Variants in CELF2 observed in about 807,000 individuals in gnomAD.
The protein encoded by CELF2 is CUG triplet repeat RNA-binding protein 2.
In CELF2, 8 loss-of-function variants were observed where a neutral mutation model predicts 62.6. That is an observed-to-expected ratio of 0.13 (90% confidence interval 0.07 to 0.23). CELF2 has a LOEUF of 0.23. CELF2 is among the 10% of genes least tolerant of loss of function. The pLI is 1.00. For synonymous variants in CELF2, 258 were observed against 250.0 expected, an observed-to-expected ratio of 1.03 and a Z score of -0.30; for missense variants, 333 against 671.0, an observed-to-expected ratio of 0.50 and a Z score of 5.56.
rs541820428 is a variant in CELF2, at chr10:10,955,364, A to G, written c.89+35365A>G. 4.6e-5 allele frequency among the ~76,000 whole-genome samples: 7 copies of G among 152,354 alleles called. No homozygotes were observed. The South Asian group carries it at 1.4e-3, about 32-fold the overall frequency. The stretch of plus-strand genomic sequence containing the variant: ...ATTGATGACTGATGTTTTCACCTCT[A>G]GCTGTGCATCAGGGACTTTGCAGCT... On this transcript the variant is annotated intron_variant, in intron 2 of 13. Transcript: ENST00000636488.
At chr10:10,761,020 A>T in the CELF2 span, among the ~76,000 whole-genome samples, 24 of 152,308 alleles carry the variant, frequency 1.6e-4, no homozygotes, top group African/African-American at 5.3e-4. Context: ...TCAGTGTTTT[A>T]TGGAGCATAG....
intron 2 of CELF2, among the ~76,000 whole-genome samples, chr10:11,199,175 C>T (rs1030920534): frequency 2.6e-5 from 4 of 152,152 alleles, no homozygotes; most frequent in Non-Finnish European, 1.5e-5. Context: ...ACCATGATCT[C>T]TGGGACCAAC....
chr10:10,592,928 C>A, the CELF2 span, among the ~76,000 whole-genome samples: 1 of 152,004 alleles, frequency 6.6e-6, no homozygotes, highest in African/African-American at 2.4e-5. Flanking sequence ...CCTAACCCCA[C>A]GTGAAGGGCC....
intron 1 of CELF2, among the ~76,000 whole-genome samples, chr10:10,898,290 A>C (rs185313692): frequency 9.8e-5 from 15 of 152,344 alleles, no homozygotes; most frequent in South Asian, 6.2e-4. Flanking sequence ...TGCTATTTGG[A>C]ACCTTTCGAG....
rs879559998 is a variant in CELF2 at position 11,270,343 on chromosome 10, T to C, written c.619-323T>C. Among the ~76,000 whole-genome samples, 16 of 152,180 alleles carry C rather than the reference T, an allele frequency of 1.1e-4. No homozygotes were observed. The highest frequency in any genetic ancestry group is 2.1e-4 in the Non-Finnish European group (14 of 67,978). ...GCCTGAGAAGCTCAATTAAAGAACC[T>C]TGGTAAGGTCTGTTGTCTGTAAGGA... On this transcript the variant is annotated intron_variant, in intron 6 of 12. Transcript: ENST00000633077. This position sits in a 1 kb window ranked among gnomAD's most constrained non-coding sequence, Gnocchi z 5.8.
At chr10:11,251,200 T>C (rs2077022814) in intron 4 of CELF2, among the ~76,000 whole-genome samples, 1 of 148,486 alleles carries the variant, frequency 6.7e-6, no homozygotes, top group Admixed American at 6.8e-5. Flanking sequence ...GTTGTAGATA[T>C]AGAAACATGA....
chr10:11,086,111 G>A (rs2046644538), intron 1 of CELF2, among the ~76,000 whole-genome samples: 1 of 152,060 alleles, frequency 6.6e-6, no homozygotes, highest in Admixed American at 6.5e-5. Flanking sequence ...TTCTTTCATG[G>A]TGTTCTAATA....
chr10:10,946,124 C>T (rs2047651321), intron 2 of CELF2: 1 of 152,674 alleles, frequency 6.5e-6, no homozygotes, highest in African/African-American at 2.4e-5. Context: ...AGATTAACAA[C>T]ACTCTGCTGA....
Position 11,211,811 on chromosome 10 carries a change from AGAGT to A in CELF2, c.272-5612_272-5609del, listed in dbSNP as rs1183567992. Among the ~76,000 whole-genome samples the A allele has an allele frequency of 0.014, 793 of 56,048 alleles. 2 individuals are homozygous for A. The highest frequency in any genetic ancestry group is 0.041 in the Middle Eastern group (4 of 98). 36.8% of individuals were successfully genotyped at this position (56,048 alleles called of 152,430 possible). ...GTGTGTGAGAGAGAGAGAGAGAGAG[AGAGT>A]GTGTGTGTGTGTGTGTGTGTGTGTG... On this transcript the variant is annotated intron_variant, in intron 2 of 12. Transcript: ENST00000633077. This position sits in a 1 kb window ranked among gnomAD's most constrained non-coding sequence, Gnocchi z 4.8.
At chr10:10,528,447 G>A in the CELF2 span, among the ~76,000 whole-genome samples, 1 of 152,180 alleles carries the variant, frequency 6.6e-6, no homozygotes, top group African/African-American at 2.4e-5. Flanking sequence ...TACATAACAA[G>A]AGGGAAGTCT....
the CELF2 span, among the ~76,000 whole-genome samples, chr10:10,651,911 AT>A: frequency 6.6e-6 from 1 of 150,902 alleles, no homozygotes; most frequent in Admixed American, 6.6e-5. Context: ...GCTTCAGATG[AT>A]CAAATTACTC....
chr10:10,644,039 C>T, the CELF2 span, among the ~76,000 whole-genome samples: 1 of 152,170 alleles, frequency 6.6e-6, no homozygotes, highest in Non-Finnish European at 1.5e-5. Flanking sequence ...GGATCCCCAG[C>T]ATCCCCCAAA....
chr10:10,722,601 T>G, the CELF2 span, among the ~76,000 whole-genome samples: 1 of 152,212 alleles, frequency 6.6e-6, no homozygotes, highest in East Asian at 1.9e-4. Flanking sequence ...TTTTTATAAT[T>G]AAAAACTTCT....
At chr10:11,000,960 C>A (rs1318362043), upstream of CELF2, among the ~76,000 whole-genome samples, 1 of 152,172 alleles carries the variant, frequency 6.6e-6, no homozygotes, top group Non-Finnish European at 1.5e-5. Flanking sequence ...TAGAGAAAGA[C>A]CCTTCTTCTG....
At chr10:10,944,766 T>C (rs377264030) in intron 2 of CELF2, among the ~76,000 whole-genome samples, 3 of 152,014 alleles carry the variant, frequency 2.0e-5, no homozygotes, top group African/African-American at 4.8e-5. Flanking sequence ...CACACCCAGC[T>C]ATTTTTTTGT....
At chr10:10,700,651 A>G in the CELF2 span, among the ~76,000 whole-genome samples, 1 of 152,270 alleles carries the variant, frequency 6.6e-6, no homozygotes, top group African/African-American at 2.4e-5. Flanking sequence ...CCCCACTCCT[A>G]TGTATCTCCT....
At chr10:11,055,976 A>T (rs1419516215) in intron 1 of CELF2, among the ~76,000 whole-genome samples, 1 of 152,236 alleles carries the variant, frequency 6.6e-6, no homozygotes, top group African/African-American at 2.4e-5. Context: ...AGAGAAGAGT[A>T]GTGATTTTGT....
intron 2 of CELF2, among the ~76,000 whole-genome samples, chr10:10,955,751 T>C (rs2048819491): frequency 6.6e-6 from 1 of 152,176 alleles, no homozygotes; most frequent in African/African-American, 2.4e-5. Context: ...TCCTCTTATA[T>C]ACAGCAATTT....
chr10:10,853,781 G>A (rs536827352), intron 1 of CELF2, among the ~76,000 whole-genome samples: 36 of 152,196 alleles, frequency 2.4e-4, no homozygotes, highest in African/African-American at 8.4e-4. Context: ...ACTAAACTAC[G>A]CACAGTGTAG....
Sources: allele counts gnomAD v4.1 joint callset (sites outside exome capture counted in the v4.1 genomes callset), GRCh38; gene constraint gnomAD v4.1.1; non-coding constraint Gnocchi (gnomAD v3.1); transcripts MANE v1.5; gene names NCBI Gene and HGNC (gene_info 2026-07-23, HGNC 2026-07-21).